GPLD1: variants seen among roughly 807,000 people sequenced by gnomAD.
GPLD1 encodes phosphatidylinositol-glycan-specific phospholipase D.
Under a neutral mutation model 112.6 loss-of-function variants are expected in GPLD1, and 84 were observed. The ratio of observed to expected loss-of-function variants is 0.75; its 90% CI spans 0.63 to 0.89. The LOEUF is 0.89. Ranked by LOEUF, GPLD1 falls within the 40% of genes least tolerant of loss-of-function variation. The pLI, the probability that GPLD1 is intolerant of heterozygous loss-of-function variation, is 0.00. For synonymous variants in GPLD1, 386 were observed against 403.8 expected (o/e 0.96, Z 0.53); for missense variants, 1,044 against 1,051.5 (o/e 0.99, Z 0.10).
At chr6:24,491,124 CT>C (rs1316472872), upstream of GPLD1, among the ~76,000 whole-genome samples, 2 of 152,162 alleles carry the variant, frequency 1.3e-5, no homozygotes, top group African/African-American at 4.8e-5. Context: ...CAGCTGCCCC[CT>C]GATAGAGCAT....
At chr6:24,484,453 T>G (rs1022002360) in intron 2 of GPLD1, among the ~76,000 whole-genome samples, 3 of 152,116 alleles carry the variant, frequency 2.0e-5, no homozygotes, top group Non-Finnish European at 4.4e-5. Flanking sequence ...TGACCTCACG[T>G]GATCCACCCA....
At position 24,436,637 on chromosome 6, in the gene GPLD1, G is replaced by C. The variant is rs758482335; in HGVS notation, c.2297C>G (p.Thr766Ser). The C allele has an allele frequency of 5.8e-5, 94 of 1,613,842 alleles. No individual in the cohort carries two copies. The highest frequency in any genetic ancestry group is 7.8e-5 in the Non-Finnish European group (92 of 1,179,892). Reference sequence around the variant, plus strand: ...TTTGCCAGTCATGTCACCAAGGGTGGTCTCTTTGCCATTATATACATATAC... The same window carrying C: ...TTTGCCAGTCATGTCACCAAGGGTGCTCTCTTTGCCATTATATACATATAC... ...GRVYVYNGKE[T>S]TLGDMTGKCK... The change falls in exon 22 of 25, where the codon ACC becomes AGC. Residue 766 changes from threonine to serine, a missense_variant. By Grantham distance (58) the Thr-to-Ser change is moderately conservative. Coordinates refer to ENST00000230036, the MANE Select transcript of GPLD1 (RefSeq NM_001503.4).
At chr6:24,487,358 T>TA (rs148184774) in intron 1 of GPLD1, among the ~76,000 whole-genome samples, 29,205 of 152,094 alleles carry the variant, frequency 0.19, 3,112 homozygotes, top group African/African-American at 0.28. Context: ...TTCTTCTATG[T>TA]AAAAAAATTC....
intron 15 of GPLD1, 29 bp downstream of exon 15, chr6:24,449,760 C>T: frequency 1.3e-6 from 2 of 1,503,152 alleles, no homozygotes; most frequent in Non-Finnish European, 1.8e-6. Flanking sequence ...ACCCCATTCT[C>T]CTCCAACCCT....
At chr6:24,433,285 T>C in intron 23 of GPLD1, 48 bp from the exon 24 acceptor site, 2 of 1,589,470 alleles carry the variant, frequency 1.3e-6, no homozygotes. Context: ...CATAGTGTAA[T>C]ACTTTATCCG....
At position 24,448,006 on chromosome 6, in the gene GPLD1, G is replaced by A. The variant is rs1311230992; in HGVS notation, c.1549C>T (p.Leu517Phe). Residue 517 changes from leucine (L) to phenylalanine (F), a missense_variant, in exon 17 of 25, where the codon CTC (leucine) becomes TTC (phenylalanine). Leu to Phe is a conservative substitution (Grantham distance 22, BLOSUM62 0). Transcript: ENST00000230036. The stretch of plus-strand genomic sequence containing the variant: ...TCTCCATTCACATCTGCAGCCAAGA[G>A]AGTCCAGCCCAAGTTACAGTAGATG... ...QDIYCNLGWT[L>F]LAADVNGDSE... The A allele has an allele frequency of 1.2e-6, 2 of 1,613,766 alleles. No homozygotes were observed. Among genetic ancestry groups the A allele is most frequent in the Middle Eastern group, 1.6e-4 (1 of 6,062 alleles).
chr6:24,486,705 C>T (rs1764388301), intron 1 of GPLD1, among the ~76,000 whole-genome samples: 1 of 152,034 alleles, frequency 6.6e-6, no homozygotes, highest in Admixed American at 6.6e-5. Context: ...GTAATCCCAG[C>T]TACTTGGGAG....
chr6:24,434,431 T>C (rs1477246362), intron 22 of GPLD1, among the ~76,000 whole-genome samples: 1 of 151,608 alleles, frequency 6.6e-6, no homozygotes, highest in Non-Finnish European at 1.5e-5. Flanking sequence ...GCACAAATTA[T>C]GCACAATAGG....
At chr6:24,454,810 A>G (rs183362810) in intron 13 of GPLD1, among the ~76,000 whole-genome samples, 21 of 152,352 alleles carry the variant, frequency 1.4e-4, no homozygotes, top group African/African-American at 5.0e-4. Flanking sequence ...TCATTTGTTT[A>G]TTCTAGTGCT....
Position 24,466,689 on chromosome 6 carries a change from T to C in GPLD1, c.812A>G (p.Asn271Ser), listed in dbSNP as rs145408627. 3.4e-4 allele frequency: 548 copies of C among 1,612,712 alleles called. 5 individuals are homozygous for C. In the East Asian group the frequency reaches 0.011, roughly 31 times the overall value. The change falls in exon 10 of 25, where the codon AAT (asparagine) becomes AGT (serine). Residue 271 changes from asparagine to serine, a missense_variant. Asn to Ser is a conservative substitution (Grantham distance 46). Transcript: ENST00000230036. ...TGCAATATGAATTCACCTGGTCCCA[T>C]TCTCCAACATGAAGCTTGTTAGATG... The part of the protein sequence containing the change: ...IYHLTSFMLE[N>S]GTSDCNLPEN...
At chr6:24,495,254 T>C (rs1225985397), upstream of GPLD1, 8 of 1,528,972 alleles carry the variant, frequency 5.2e-6, no homozygotes, top group Non-Finnish European at 7.0e-6. Context: ...GCGGCGCCGC[T>C]CTGGGCATGG....
chr6:24,445,505 CAT>C (rs1561834782), intron 20 of GPLD1, 39 bp downstream of exon 20: 3 of 1,333,056 alleles, frequency 2.3e-6, no homozygotes, highest in East Asian at 2.3e-5. Context: ...CAAGCAGCCA[CAT>C]GACTGAAAGG....
intron 15 of GPLD1, among the ~76,000 whole-genome samples, 164 bp from the exon 16 acceptor site, chr6:24,448,372 G>A (rs923879987): frequency 7.3e-6 from 1 of 136,312 alleles, no homozygotes; most frequent in Non-Finnish European, 1.6e-5. Context: ...TTGAGGCCAG[G>A]AGTTCAAGAG....
At chr6:24,480,520 TCA>T (rs1306603316) in intron 2 of GPLD1, among the ~76,000 whole-genome samples, 5 of 152,118 alleles carry the variant, frequency 3.3e-5, no homozygotes, top group African/African-American at 7.2e-5. Flanking sequence ...TTTCAATGAT[TCA>T]CAGTGAAAAG....
At chr6:24,495,104 G>C in exon 1 of GPLD1, 1 of 1,316,302 alleles carries the variant, frequency 7.6e-7, no homozygotes, top group East Asian at 3.2e-5. Context: ...CTGCCTCCGG[G>C]CCTGCGCCCG....
chr6:24,445,601 G>C lies in GPLD1; in HGVS notation c.1965C>G (p.His655Gln). 6.2e-7 allele frequency: 1 copy of C among 1,613,564 alleles called. No individual in the cohort carries two copies. The highest frequency in any genetic ancestry group is 8.5e-7 in the Non-Finnish European group (1 of 1,179,670). Residue 655 changes from histidine to glutamine, a missense_variant, in exon 20 of 25, where the codon CAC (histidine) becomes CAG (glutamine). By Grantham distance (24) the His-to-Gln change is conservative (BLOSUM62 0). Coordinates refer to ENST00000230036, the MANE Select transcript of GPLD1 (RefSeq NM_001503.4). The part of the protein sequence containing the change: ...GKLGTSLSSG[H>Q]VLMNGTLKQV... ...GTTTCAGAGTCCCATTCATCAGTAC[G>C]TGGCCACTGGAAAGGGAAGTACCCA... is the stretch of plus-strand genomic sequence containing the variant.
intron 10 of GPLD1, among the ~76,000 whole-genome samples, chr6:24,465,193 T>C (rs1189081979): frequency 1.9e-5 from 1 of 53,246 alleles, no homozygotes; most frequent in Non-Finnish European, 4.1e-5. Flanking sequence ...CAAGACTCTG[T>C]CTCAAAAAAA....
intron 7 of GPLD1, 88 bp from the exon 8 acceptor site, chr6:24,467,362 G>GCCAGGCACCATGT (rs1423531590): frequency 1.0e-5 from 8 of 767,944 alleles, no homozygotes; most frequent in Non-Finnish European, 1.6e-5. Context: ...GTTATTCCGT[G>GCCAGGCACCATGT]ATTATTTTGT....
chr6:24,447,989 C>T lies in GPLD1; in HGVS notation c.1566G>A (p.Val522=). 6.2e-7 allele frequency: 1 copy of T among 1,613,772 alleles called. No homozygotes were observed. The highest frequency in any genetic ancestry group is 8.5e-7 in the Non-Finnish European group (1 of 1,179,968). The change falls in exon 17 of 25, where the codon GTG becomes GTA. Residue 522 remains valine (V), a synonymous_variant. Coordinates refer to ENST00000230036, the MANE Select transcript of GPLD1 (RefSeq NM_001503.4). ...CCAGATCGGGTTCACTGTCTCCATT[C>T]ACATCTGCAGCCAAGAGAGTCCAGC... ...NLGWTLLAAD[V]NGDSEPDLVI... is the part of the protein sequence containing the mutation.
Sources: allele counts gnomAD v4.1 joint callset (sites outside exome capture counted in the v4.1 genomes callset), GRCh38; gene constraint gnomAD v4.1.1; transcripts MANE v1.5; gene names NCBI Gene and HGNC (gene_info 2026-07-23, HGNC 2026-07-21).